The following GOSR1 variants were observed in gnomAD, a reference collection of about 807,000 sequenced individuals.
The protein encoded by GOSR1 is 28 kDa Golgi SNARE protein.
A neutral mutation model predicts 35.5 loss-of-function variants in GOSR1; 21 were observed. That is an observed-to-expected ratio of 0.59 (90% CI 0.42 to 0.85). The LOEUF is 0.85. GOSR1 is among the 40% of genes least tolerant of loss of function. GOSR1 has a pLI of 0.00. For missense variants in GOSR1, 285 were observed against 309.6 expected, an observed-to-expected ratio of 0.92 and a Z score of 0.60; for synonymous variants, 94 against 106.6, an observed-to-expected ratio of 0.88 and a Z score of 0.73.
intron 4 of GOSR1, chr17:30,485,268 CA>C: frequency 2.9e-5 from 5 of 173,470 alleles, no homozygotes; most frequent in East Asian, 3.2e-4. Context: ...AATAGGAAGG[CA>C]ATTTTTTTTT....
At chr17:30,518,325 C>T (rs930694244) in intron 7 of GOSR1, among the ~76,000 whole-genome samples, 2 of 152,004 alleles carry the variant, frequency 1.3e-5, no homozygotes, top group Non-Finnish European at 2.9e-5. Context: ...ATGGACCCTC[C>T]TTAGTGTGTC....
At chr17:30,520,500 T>A (rs1372844473) in intron 8 of GOSR1, 1 of 152,348 alleles carries the variant, frequency 6.6e-6, no homozygotes, top group Admixed American at 6.5e-5. Context: ...ACAGGCTGAA[T>A]TCTAGGATAC....
chr17:30,489,987 T>C, intron 4 of GOSR1, 139 bp from the exon 5 acceptor site: 1 of 586,754 alleles, frequency 1.7e-6, no homozygotes, highest in Non-Finnish European at 3.1e-6. Flanking sequence ...TTTAAAGTTA[T>C]TTTTACCTTT....
rs370736848 is a variant in GOSR1 at position 30,516,469 on chromosome 17, C to CAAAA, written c.540-3467_540-3466insAAAA. On this transcript the variant is annotated intron_variant, in intron 7 of 8. Coordinates refer to ENST00000451249, the MANE Select transcript of GOSR1 (RefSeq NM_001007025.2). ...TGGGTGACAGAGCAAGACTCCGTCT[C>CAAAA]AAACAAAAAAAAAGAAAAAGAAAAA... 5.4e-5 allele frequency among the ~76,000 whole-genome samples: 6 copies of CAAAA among 111,226 alleles called. 1 individual carries two copies. The highest frequency in any genetic ancestry group is 8.7e-5 in the Admixed American group (1 of 11,520). 73.0% of individuals were successfully genotyped at this position (111,226 alleles called of 152,430 possible).
At chr17:30,521,204 A>C (rs1310225048) in intron 8 of GOSR1, among the ~76,000 whole-genome samples, 2 of 115,384 alleles carry the variant, frequency 1.7e-5, no homozygotes, top group African/African-American at 3.6e-5. Context: ...TTTAAGACAG[A>C]GTCTCACCCT....
At chr17:30,513,910 C>T (rs958202143) in intron 7 of GOSR1, among the ~76,000 whole-genome samples, 1 of 152,052 alleles carries the variant, frequency 6.6e-6, no homozygotes, top group African/African-American at 2.4e-5. Context: ...CTACTGCAGC[C>T]GTGCCTGCAT....
In GOSR1 at chr17:30,524,977, G is replaced by C. The variant is rs1383936607; in HGVS notation, c.*2599G>C. 1 of 152,250 alleles carries C rather than the reference G, an allele frequency of 6.6e-6. No homozygotes were observed. The highest frequency in any genetic ancestry group is 2.4e-5 in the African/African-American group (1 of 41,444). 9.4% of individuals were successfully genotyped at this position (152,250 alleles called of 1,614,324 possible). On this transcript the variant is annotated 3_prime_UTR_variant, in exon 9 of 9. Coordinates refer to ENST00000451249, the MANE Select transcript of GOSR1 (RefSeq NM_001007025.2). Reference sequence around the variant, plus strand: ...CTGTTACCATCCCTGGACAGTGACAGATTTTAAGCCAGCCACCAGAATTCT... The same window carrying C: ...CTGTTACCATCCCTGGACAGTGACACATTTTAAGCCAGCCACCAGAATTCT...
In GOSR1 at chr17:30,492,674, C is replaced by T. The variant is rs779641187; in HGVS notation, c.435-5C>T. ...AATGTTTTTAAATTTTCTCTTTTGT[C>T]CCAGGTCATATAAAAGTGGGTCTGG... On this transcript the variant is annotated splice_region_variant and splice_polypyrimidine_tract_variant and intron_variant, in intron 5 of 8. Coordinates refer to ENST00000451249, the MANE Select transcript of GOSR1 (RefSeq NM_001007025.2). The T allele has an allele frequency of 2.2e-5, 34 of 1,543,536 alleles. No homozygotes were observed. The South Asian group carries it at 3.0e-4, about 14-fold the overall frequency.
chr17:30,495,398 T>G (rs1414183771), intron 6 of GOSR1: 3 of 455,298 alleles, frequency 6.6e-6, no homozygotes, highest in Non-Finnish European at 1.3e-5. Context: ...TCTTCTGTAT[T>G]TACCTTAATG....
chr17:30,514,466 G>A (rs1455084332), intron 7 of GOSR1, among the ~76,000 whole-genome samples: 2 of 152,132 alleles, frequency 1.3e-5, no homozygotes, highest in Non-Finnish European at 2.9e-5. Flanking sequence ...TATTCTGCTC[G>A]TATTCTTGAT....
chr17:30,497,076 T>A (rs1165045942), intron 6 of GOSR1, among the ~76,000 whole-genome samples: 1 of 152,216 alleles, frequency 6.6e-6, no homozygotes, highest in African/African-American at 2.4e-5. Flanking sequence ...TTTCATTTAA[T>A]CATATGTATG....
In GOSR1 at chr17:30,488,341, T is replaced by C. The variant is rs1249904625; in HGVS notation, c.343-1785T>C. The stretch of plus-strand genomic sequence containing the variant: ...CACCATGCCCGGCTATTTTTTTGTA[T>C]TTTTAGTAGAGATGGGGTTTCACCG... On this transcript the variant is annotated intron_variant, in intron 4 of 8. Coordinates refer to ENST00000451249, the MANE Select transcript of GOSR1 (RefSeq NM_001007025.2). Among the ~76,000 whole-genome samples the C allele has an allele frequency of 2.6e-5, 4 of 151,642 alleles. No individual in the cohort carries two copies. In the East Asian group the frequency reaches 7.9e-4, roughly 30 times the overall value.
chr17:30,494,985 A>G (rs1309976783), intron 6 of GOSR1, among the ~76,000 whole-genome samples: 3 of 150,076 alleles, frequency 2.0e-5, no homozygotes, highest in Non-Finnish European at 4.4e-5. Context: ...TACAAGATAT[A>G]TGGCTTTTTC....
intron 7 of GOSR1, among the ~76,000 whole-genome samples, chr17:30,518,423 T>C (rs1475287292): frequency 7.3e-6 from 1 of 137,460 alleles, no homozygotes; most frequent in Non-Finnish European, 1.5e-5. Context: ...TCCCCAAATC[T>C]CAATCTCTTG....
intron 1 of GOSR1, chr17:30,477,937 A>C: frequency 1.0e-6 from 1 of 982,902 alleles, no homozygotes; most frequent in Non-Finnish European, 1.2e-6. Flanking sequence ...CGTCGGAGGA[A>C]GTATGAAGAG....
chr17:30,481,972 AT>A (rs1302167406), intron 2 of GOSR1, among the ~76,000 whole-genome samples: 10 of 152,248 alleles, frequency 6.6e-5, no homozygotes, highest in Non-Finnish European at 1.2e-4. Flanking sequence ...TCTAAAAAAA[AT>A]AGAAATAAAA....
At chr17:30,493,513 C>T (rs1966885410) in intron 6 of GOSR1, among the ~76,000 whole-genome samples, 1 of 152,084 alleles carries the variant, frequency 6.6e-6, no homozygotes, top group African/African-American at 2.4e-5. Flanking sequence ...TTAAAATTAT[C>T]AGTAAAATAT....
At chr17:30,489,392 A>G (rs1914881130) in intron 4 of GOSR1, among the ~76,000 whole-genome samples, 1 of 151,534 alleles carries the variant, frequency 6.6e-6, no homozygotes, top group African/African-American at 2.4e-5. Flanking sequence ...TCCAAAAAAA[A>G]AGAAAATAAT....
At chr17:30,482,438 A>G (rs545250575) in intron 2 of GOSR1, among the ~76,000 whole-genome samples, 1 of 152,332 alleles carries the variant, frequency 6.6e-6, no homozygotes, top group Admixed American at 6.5e-5. Context: ...GCTGCTGGGA[A>G]CATTTTTACG....
Sources: gnomAD v4.1 joint callset for allele counts (sites outside exome capture counted in the v4.1 genomes callset) on GRCh38, gnomAD v4.1.1 for gene constraint, MANE v1.5 for transcripts, NCBI Gene and HGNC (gene_info 2026-07-23, HGNC 2026-07-21) for gene names.